Variants in AKR1C8 observed in about 807,000 individuals in gnomAD.
AKR1C8 encodes the protein aldo-keto reductase family 1 member C-like protein 1.
the AKR1C8 span, among the ~76,000 whole-genome samples, chr10:5,168,981 G>C: frequency 2.6e-5 from 4 of 152,248 alleles, no homozygotes; most frequent in Admixed American, 2.6e-4. Flanking sequence ...ATAGACTTTA[G>C]TGAAACCCAC....
At chr10:5,118,313 G>T in the AKR1C8 span, among the ~76,000 whole-genome samples, 1 of 114,896 alleles carries the variant, frequency 8.7e-6, no homozygotes, top group Non-Finnish European at 2.0e-5. Flanking sequence ...AAAGTTTCAA[G>T]GTAATTTCTG....
At chr10:5,158,511 A>C in the AKR1C8 span, 2 of 404,200 alleles carry the variant, frequency 4.9e-6, no homozygotes, top group African/African-American at 4.2e-5. Context: ...GCTTTTTTAT[A>C]ATACAATTTT....
the AKR1C8 span, among the ~76,000 whole-genome samples, chr10:5,146,566 T>C: frequency 6.6e-6 from 1 of 152,126 alleles, no homozygotes; most frequent in African/African-American, 2.4e-5. Flanking sequence ...TGCAGATGCA[T>C]AAACTATCCA....
the AKR1C8 span, among the ~76,000 whole-genome samples, chr10:5,120,045 A>AAG: frequency 6.6e-6 from 1 of 152,120 alleles, no homozygotes; most frequent in African/African-American, 2.4e-5. Flanking sequence ...ACCCACACTG[A>AAG]AGGTTGTTTG....
the AKR1C8 span, among the ~76,000 whole-genome samples, chr10:5,122,644 G>C: frequency 6.6e-6 from 1 of 152,020 alleles, no homozygotes; most frequent in Non-Finnish European, 1.5e-5. Flanking sequence ...CAAAGGGTAG[G>C]ACTCTGAGCA....
At chr10:5,155,872 A>T in the AKR1C8 span, 1 of 367,096 alleles carries the variant, frequency 2.7e-6, no homozygotes, top group Admixed American at 3.6e-5. Context: ...AAGCATTTTC[A>T]TCCTCATCAG....
chr10:5,124,289 T>C, the AKR1C8 span, among the ~76,000 whole-genome samples: 1 of 152,164 alleles, frequency 6.6e-6, no homozygotes, highest in African/African-American at 2.4e-5. Flanking sequence ...TCATAAATTA[T>C]AGCAAAAACA....
the AKR1C8 span, among the ~76,000 whole-genome samples, chr10:5,131,870 A>C: frequency 6.6e-6 from 1 of 152,132 alleles, no homozygotes; most frequent in Admixed American, 6.6e-5. Context: ...GCTTGCATGA[A>C]AAAGACACAT....
At chr10:5,129,185 G>A in the AKR1C8 span, among the ~76,000 whole-genome samples, 2 of 152,094 alleles carry the variant, frequency 1.3e-5, no homozygotes, top group East Asian at 3.9e-4. Flanking sequence ...ATGATTTTGG[G>A]TTAACAATAA....
the AKR1C8 span, among the ~76,000 whole-genome samples, chr10:5,124,656 TA>T: frequency 6.6e-6 from 1 of 152,132 alleles, no homozygotes; most frequent in Admixed American, 6.6e-5. Context: ...TACAAAAAAT[TA>T]AAACATCATT....
chr10:5,162,742 T>C, the AKR1C8 span: 2 of 376,932 alleles, frequency 5.3e-6, no homozygotes, highest in East Asian at 1.2e-4. Flanking sequence ...TAATATGCCT[T>C]CATAATATTA....
the AKR1C8 span, among the ~76,000 whole-genome samples, chr10:5,180,102 G>T: frequency 6.6e-6 from 1 of 152,140 alleles, no homozygotes; most frequent in Non-Finnish European, 1.5e-5. Flanking sequence ...CATCTTTGTG[G>T]TTTTATCTAC....
the AKR1C8 span, chr10:5,157,656 C>G: frequency 2.1e-6 from 1 of 472,316 alleles, no homozygotes; most frequent in Non-Finnish European, 4.4e-6. Flanking sequence ...CTTTGATTCT[C>G]TCCTGAGAGA....
At chr10:5,159,015 AT>A in the AKR1C8 span, among the ~76,000 whole-genome samples, 1 of 152,190 alleles carries the variant, frequency 6.6e-6, no homozygotes, top group East Asian at 1.9e-4. Context: ...GGAAGGGCAT[AT>A]TCCAGTTCTG....
the AKR1C8 span, among the ~76,000 whole-genome samples, chr10:5,139,304 A>G: frequency 2.6e-5 from 4 of 152,218 alleles, no homozygotes; most frequent in African/African-American, 9.6e-5. Flanking sequence ...AAACTACTTT[A>G]AAGTTCATAT....
chr10:5,145,732 A>G, the AKR1C8 span, among the ~76,000 whole-genome samples: 335 of 152,270 alleles, frequency 2.2e-3, 1 homozygote, highest in Non-Finnish European at 4.0e-3. Context: ...AAATAGGAAC[A>G]CTTTTACACT....
chr10:5,160,174 CAT>C, the AKR1C8 span, among the ~76,000 whole-genome samples: 2 of 116,162 alleles, frequency 1.7e-5, no homozygotes, highest in East Asian at 2.6e-4. Flanking sequence ...CCTTGCTATG[CAT>C]ATATGTTTGT....
chr10:5,132,600 AC>A, the AKR1C8 span: 1 of 1,562,058 alleles, frequency 6.4e-7, no homozygotes, highest in Admixed American at 1.8e-5. Context: ...TAGGCACAGT[AC>A]CTTTGAAGTG....
At chr10:5,160,722 G>T in the AKR1C8 span, 2 of 425,934 alleles carry the variant, frequency 4.7e-6, no homozygotes, top group South Asian at 3.6e-5. Context: ...TCAGACAACT[G>T]CTGGAGCAAA....
Sources: allele counts gnomAD v4.1 joint callset (sites outside exome capture counted in the v4.1 genomes callset), GRCh38; gene constraint gnomAD v4.1.1; transcripts MANE v1.5; gene names NCBI Gene and HGNC (gene_info 2026-07-23, HGNC 2026-07-21).